Variants in ERBB4 observed in about 807,000 individuals in gnomAD.
ERBB4 encodes erb-b2 receptor tyrosine kinase 4.
ERBB4 carries 42 observed loss-of-function variants against 158.0 expected under a neutral mutation model. The observed-to-expected ratio is 0.27, with a 90% CI of 0.21 to 0.34. The LOEUF is 0.34. Among genes scored for constraint, ERBB4 ranks in the 10% least tolerant of loss-of-function variants. ERBB4 has a pLI of 1.00. For missense variants in ERBB4, 1,333 were observed against 1,624.1 expected (o/e 0.82, Z 3.08); for synonymous variants, 583 against 558.7 (o/e 1.04, Z -0.61).
chr2:211,628,164 CTT>C (rs11313575), intron 17 of ERBB4, among the ~76,000 whole-genome samples: 23,548 of 150,056 alleles, frequency 0.16, 2,262 homozygotes, highest in South Asian at 0.21. Context: ...CTGAGATATT[CTT>C]TTTTTTTTTT....
rs1461029681 is a variant in ERBB4, at chr2:211,619,199, T to G, written c.2279A>C (p.Lys760Thr). ...IKILNETTGP[K>T]ANVEFMDEAL... Reference sequence around the variant, plus strand: ...TACATCCATGAACTCCACATTTGCCTTGGGACCAGTTGTCTCATTAAGAAT... The same window carrying G: ...TACATCCATGAACTCCACATTTGCCGTGGGACCAGTTGTCTCATTAAGAAT... The change falls in exon 19 of 28, where the codon AAG becomes ACG. Residue 760 changes from lysine to threonine, a missense_variant. Coordinates refer to ENST00000342788, the MANE Select transcript of ERBB4 (RefSeq NM_005235.3). 6.2e-7 allele frequency: 1 copy of G among 1,609,572 alleles called. No individual in the cohort carries two copies. Among genetic ancestry groups the G allele is most frequent in the Admixed American group, 1.7e-5 (1 of 59,884 alleles).
chr2:211,638,356 T>C (rs1299795663), intron 16 of ERBB4, among the ~76,000 whole-genome samples: 1 of 152,158 alleles, frequency 6.6e-6, no homozygotes. Flanking sequence ...GGTTACTGCC[T>C]GGGGCAAGGA....
chr2:212,304,048 A>G (rs1559969526), intron 1 of ERBB4, among the ~76,000 whole-genome samples: 1 of 151,564 alleles, frequency 6.6e-6, no homozygotes, highest in African/African-American at 2.4e-5. Context: ...GAGACGTGAT[A>G]AGCAATATCA....
At chr2:211,611,484 G>A (rs1370268879) in intron 19 of ERBB4, among the ~76,000 whole-genome samples, 2 of 146,170 alleles carry the variant, frequency 1.4e-5, no homozygotes, top group Admixed American at 6.7e-5. Context: ...AGGTCCGCAC[G>A]TTGCTCTAAT....
chr2:211,463,345 C>T (rs977299241), intron 20 of ERBB4, among the ~76,000 whole-genome samples: 3 of 152,128 alleles, frequency 2.0e-5, no homozygotes, highest in South Asian at 2.1e-4. Flanking sequence ...TTTAATATTG[C>T]TATGTGGATT....
At position 211,473,043 on chromosome 2, in the gene ERBB4, G is replaced by A. The variant is rs187420117; in HGVS notation, c.2488-41943C>T. Among the ~76,000 whole-genome samples the A allele has an allele frequency of 3.6e-3, 549 of 151,966 alleles. 5 individuals are homozygous for A. Among genetic ancestry groups the A allele is most frequent in the African/African-American group, 0.013 (531 of 41,450 alleles). ...ACCCATAAATGTTACTATATACGGG[G>A]AATCAAAGGGGTCTTTGCAAATGTG... On this transcript the variant is annotated intron_variant, in intron 20 of 27. Coordinates refer to ENST00000342788, the MANE Select transcript of ERBB4 (RefSeq NM_005235.3).
At chr2:212,171,585 G>A (rs967515076) in intron 1 of ERBB4, among the ~76,000 whole-genome samples, 27 of 152,086 alleles carry the variant, frequency 1.8e-4, no homozygotes, top group South Asian at 4.1e-4. Flanking sequence ...TATTGAAGGA[G>A]GGACCAGGTT....
At chr2:212,038,266 A>G (rs1468883893) in intron 2 of ERBB4, among the ~76,000 whole-genome samples, 1 of 152,058 alleles carries the variant, frequency 6.6e-6, no homozygotes, top group East Asian at 1.9e-4. Context: ...CTTTATTTAT[A>G]TATATGAAGA....
At chr2:212,439,481 A>T (rs1267921301) in intron 1 of ERBB4, among the ~76,000 whole-genome samples, 2 of 149,602 alleles carry the variant, frequency 1.3e-5, no homozygotes, top group Non-Finnish European at 3.0e-5. Flanking sequence ...GGATTCTAGG[A>T]TATACCTTTC....
chr2:211,888,570 T>A (rs1027455598), intron 3 of ERBB4, among the ~76,000 whole-genome samples: 1 of 152,306 alleles, frequency 6.6e-6, no homozygotes, highest in Non-Finnish European at 1.5e-5. Flanking sequence ...TAGGAACAGC[T>A]CCGGTCTACA....
chr2:211,664,208 C>T (rs1157430549), intron 15 of ERBB4, among the ~76,000 whole-genome samples: 1 of 152,100 alleles, frequency 6.6e-6, no homozygotes, highest in East Asian at 1.9e-4. Flanking sequence ...AATGATGTCG[C>T]TTGCTTAATT....
At chr2:211,655,868 T>C (rs779173918) in intron 16 of ERBB4, among the ~76,000 whole-genome samples, 4 of 152,224 alleles carry the variant, frequency 2.6e-5, no homozygotes, top group Non-Finnish European at 5.9e-5. Context: ...GCCACTGTTG[T>C]AGAAATCAAT....
intron 20 of ERBB4, among the ~76,000 whole-genome samples, chr2:211,523,188 A>T (rs760537159): frequency 2.2e-5 from 3 of 137,586 alleles, no homozygotes; most frequent in Non-Finnish European, 3.1e-5. Flanking sequence ...CTTCACAAGA[A>T]CCAAAAATCA....
chr2:212,337,038 T>C lies in ERBB4; in HGVS notation c.82+201411A>G, dbSNP rs1433516691. On this transcript the variant is annotated intron_variant, in intron 1 of 27. Transcript: ENST00000342788. ...CTTAGAAGCTAATTCCATCAGTTTC[T>C]TAAGAAGTTTATTGCCTAATATCCA... Among the ~76,000 whole-genome samples, 3 of 152,104 alleles carry C rather than the reference T, an allele frequency of 2.0e-5. No homozygotes were observed. In the East Asian group the frequency reaches 5.8e-4, roughly 29 times the overall value.
intron 25 of ERBB4, among the ~76,000 whole-genome samples, chr2:211,414,617 C>T (rs141814798): frequency 0.012 from 1,778 of 151,858 alleles, 39 homozygotes; most frequent in African/African-American, 0.04. Context: ...AAAGCTTCAT[C>T]GATTTGGTTC....
rs564692177 is a variant in ERBB4 at position 211,733,958 on chromosome 2, T to G, written c.623-8764A>C. Among the ~76,000 whole-genome samples, 260 of 147,368 alleles carry G rather than the reference T, an allele frequency of 1.8e-3. 9 individuals are homozygous for G. Among genetic ancestry groups the G allele is most frequent in the African/African-American group, 6.6e-3 (245 of 37,082 alleles). The stretch of plus-strand genomic sequence containing the variant: ...TAGCCAGGCAGAGGAAGGAGAATCA[T>G]TTGAACCCGGGAGACTGAGGTTGCA... On this transcript the variant is annotated intron_variant, in intron 5 of 27. Coordinates refer to ENST00000342788, the MANE Select transcript of ERBB4 (RefSeq NM_005235.3).
At chr2:211,837,385 G>A (rs935202210) in intron 3 of ERBB4, among the ~76,000 whole-genome samples, 10 of 152,016 alleles carry the variant, frequency 6.6e-5, no homozygotes, top group Non-Finnish European at 2.9e-5. Flanking sequence ...TACATAAAGG[G>A]CTCTTAAATA....
At chr2:212,186,523 A>T (rs930857587) in intron 1 of ERBB4, among the ~76,000 whole-genome samples, 1 of 152,182 alleles carries the variant, frequency 6.6e-6, no homozygotes, top group African/African-American at 2.4e-5. Context: ...GATCTTCCTT[A>T]ATCTAACTAA....
chr2:212,335,394 T>C (rs1043316347), intron 1 of ERBB4, among the ~76,000 whole-genome samples: 4 of 152,026 alleles, frequency 2.6e-5, no homozygotes, highest in African/African-American at 9.7e-5. Flanking sequence ...TGATATGGAA[T>C]ACAGAAACTA....
Sources: gnomAD v4.1 joint callset for allele counts (sites outside exome capture counted in the v4.1 genomes callset) on GRCh38, gnomAD v4.1.1 for gene constraint, MANE v1.5 for transcripts, NCBI Gene and HGNC (gene_info 2026-07-23, HGNC 2026-07-21) for gene names.